Variants in FYCO1 observed in about 807,000 individuals in gnomAD.
FYCO1 encodes FYVE and coiled-coil domain autophagy adaptor 1.
FYCO1 carries 122 observed loss-of-function variants against 165.1 expected under a neutral mutation model. That is an observed-to-expected ratio of 0.74 (90% CI 0.64 to 0.86). The LOEUF is 0.86. Ranked by LOEUF, FYCO1 falls within the 40% of genes least tolerant of loss-of-function variation. The pLI, the probability that FYCO1 is intolerant of heterozygous loss-of-function variation, is 0.00. For synonymous variants in FYCO1, 648 were observed against 742.5 expected (o/e 0.87, Z 2.07); for missense variants, 1,702 against 1,810.3 (o/e 0.94, Z 1.09).
chr3:45,955,185 A>T lies in FYCO1; in HGVS notation c.3944+64T>A, dbSNP rs946156623. Reference sequence around the variant, plus strand: ...AGTGTCTCACTTTCCTCATCCTTTGATAAGAAAGCACAGGGGCCAGGCCTG... The same window carrying T: ...AGTGTCTCACTTTCCTCATCCTTTGTTAAGAAAGCACAGGGGCCAGGCCTG... On this transcript the variant is annotated intron_variant, in intron 14 of 17. Coordinates refer to ENST00000296137, the MANE Select transcript of FYCO1 (RefSeq NM_024513.4). 3.8e-6 allele frequency: 6 copies of T among 1,573,854 alleles called. No individual in the cohort carries two copies. The Admixed American group carries it at 5.0e-5, about 13-fold the overall frequency.
intron 14 of FYCO1, chr3:45,947,956 T>A (rs1704743019): frequency 6.1e-6 from 1 of 163,832 alleles, no homozygotes; most frequent in African/African-American, 2.6e-5. Context: ...AAACAAGTGC[T>A]GGCACCACCA....
chr3:45,950,370 G>A (rs1479211176), intron 14 of FYCO1, among the ~76,000 whole-genome samples: 1 of 152,190 alleles, frequency 6.6e-6, no homozygotes, highest in Admixed American at 6.5e-5. Context: ...CATCATCTGA[G>A]ATGTGGGGAA....
At position 45,919,067 on chromosome 3, in the gene FYCO1, T is replaced by TA. The variant is rs750650569; in HGVS notation, c.*2697_*2698insT. On this transcript the variant is annotated 3_prime_UTR_variant, in exon 18 of 18. Coordinates refer to ENST00000296137, the MANE Select transcript of FYCO1 (RefSeq NM_024513.4). ...AGATGAGCCATCAAGGGGCTGCCCC[T>TA]TTTAAAAAAAAAAAAAAAGAGTGAT... 2.7e-5 allele frequency: 2 copies of TA among 73,634 alleles called. No individual in the cohort carries two copies. Among genetic ancestry groups the TA allele is most frequent in the Admixed American group, 1.7e-4 (1 of 5,810 alleles). 4.6% of individuals were successfully genotyped at this position (73,634 alleles called of 1,614,324 possible). A position where few individuals can be genotyped will look rare whatever the true frequency, so the allele number is the denominator to read the frequency against.
intron 14 of FYCO1, among the ~76,000 whole-genome samples, chr3:45,944,656 A>C (rs1575343826): frequency 2.0e-5 from 3 of 152,336 alleles, no homozygotes; most frequent in Non-Finnish European, 4.4e-5. Flanking sequence ...TCCAGGCCCA[A>C]TCTGTTTACC....
chr3:45,962,396 G>A lies in FYCO1; in HGVS notation c.3270-4C>T. On this transcript the variant is annotated splice_polypyrimidine_tract_variant and splice_region_variant and intron_variant, in intron 10 of 17. Coordinates refer to ENST00000296137, the MANE Select transcript of FYCO1 (RefSeq NM_024513.4). The surrounding 1 kb of genome is among the most constrained non-coding windows in gnomAD (Gnocchi z 4.4). ...TTTTTCGAGTTCCTTCTGGGTCCTG[G>A]GGGAGGAGTGGTAAGTTTTCTTGAT... The A allele has an allele frequency of 6.2e-7, 1 of 1,613,974 alleles. No individual in the cohort carries two copies. Among genetic ancestry groups the A allele is most frequent in the Non-Finnish European group, 8.5e-7 (1 of 1,179,902 alleles).
chr3:45,943,458 T>C (rs1490337386), intron 14 of FYCO1: 2 of 152,172 alleles, frequency 1.3e-5, no homozygotes, highest in Non-Finnish European at 2.9e-5. Flanking sequence ...AGCGGAAACA[T>C]GAACCACATC....
Position 45,969,716 on chromosome 3 carries a change from G to A in FYCO1, c.589C>T (p.Arg197Cys), listed in dbSNP as rs751114373. The A allele has an allele frequency of 3.2e-5, 52 of 1,613,936 alleles. No homozygotes were observed. The highest frequency in any genetic ancestry group is 2.5e-4 in the South Asian group (23 of 91,082). ...SSAYLWKPPSRSSSMSSLVSS... is the reference protein window; with the variant it reads ...SSAYLWKPPSCSSSMSSLVSS... ...ACCAAGCTGCTCATGCTGGAGCTGC[G>A]GCTAGGGGGTTTCCACAGGTAAGCA... Residue 197 changes from arginine to cysteine, a missense_variant, in exon 7 of 18, where the codon CGC becomes TGC. Transcript: ENST00000296137.
At chr3:45,994,815 G>C (rs1338773255) in intron 1 of FYCO1, among the ~76,000 whole-genome samples, 2 of 152,128 alleles carry the variant, frequency 1.3e-5, no homozygotes, top group East Asian at 3.9e-4. Context: ...TTTCTCTGTC[G>C]GGAAAGGAAA....
intron 6 of FYCO1, 80 bp downstream of exon 6, chr3:45,973,008 T>C (rs1436918861): frequency 1.3e-6 from 2 of 1,512,628 alleles, no homozygotes; most frequent in Non-Finnish European, 1.8e-6. Context: ...GCAAAATTGT[T>C]TTGAGTAGAC....
intron 14 of FYCO1, chr3:45,946,907 C>G: frequency 1.2e-6 from 2 of 1,614,234 alleles, no homozygotes; most frequent in Non-Finnish European, 1.7e-6. Flanking sequence ...ACCAGCAAGC[C>G]AAGAGGATGA....
chr3:45,990,505 T>A (rs1055319456), intron 1 of FYCO1, among the ~76,000 whole-genome samples: 2 of 152,236 alleles, frequency 1.3e-5, no homozygotes, highest in Admixed American at 1.3e-4. Context: ...TCTCACATTA[T>A]GCTTCTGTGG....
In FYCO1 at chr3:45,964,290, C is replaced by T. The variant is rs766191152; in HGVS notation, c.3269+46G>A. ...TTCTAAATGACGAGACCAAACACTC[C>T]TTCCCTGAAGACTACCGACAGCTAC... is the stretch of plus-strand genomic sequence containing the variant. On this transcript the variant is annotated intron_variant, in intron 10 of 17. Coordinates refer to ENST00000296137, the MANE Select transcript of FYCO1 (RefSeq NM_024513.4). This position sits in a 1 kb window ranked among gnomAD's most constrained non-coding sequence, Gnocchi z 4.1. 5 of 1,418,704 alleles carry T rather than the reference C, an allele frequency of 3.5e-6. No homozygotes were observed. The South Asian group carries it at 5.7e-5, about 16-fold the overall frequency. The allele number at this position is 1,418,704 out of a possible 1,614,324, so 87.9% of individuals were successfully genotyped here.
intron 1 of FYCO1, among the ~76,000 whole-genome samples, chr3:45,992,583 A>C (rs1707611355): frequency 6.6e-6 from 1 of 152,182 alleles, no homozygotes; most frequent in African/African-American, 2.4e-5. Flanking sequence ...TAGGCACTCT[A>C]TCTGTCCTGG....
At position 45,979,720 on chromosome 3, in the gene FYCO1, G is replaced by C. The variant is rs747838494; in HGVS notation, c.273C>G (p.Val91=). 1.9e-6 allele frequency: 3 copies of C among 1,613,990 alleles called. No homozygotes were observed. The highest frequency in any genetic ancestry group is 2.5e-6 in the Non-Finnish European group (3 of 1,179,894). Residue 91 remains valine, a synonymous_variant, in exon 4 of 18, where the codon GTC becomes GTG. Coordinates refer to ENST00000296137, the MANE Select transcript of FYCO1 (RefSeq NM_024513.4). The part of the protein sequence containing the change: ...VKGANDGIRF[V]KSISELRTSL... Reference sequence around the variant, plus strand: ...CTCAGCTTACCTCTGAGATAGACTTGACAAAGCGGATCCCATCATTGGCTC... The same window carrying C: ...CTCAGCTTACCTCTGAGATAGACTTCACAAAGCGGATCCCATCATTGGCTC...
At chr3:45,924,313 C>T (rs1213320682) in intron 16 of FYCO1, among the ~76,000 whole-genome samples, 1 of 152,206 alleles carries the variant, frequency 6.6e-6, no homozygotes, top group Non-Finnish European at 1.5e-5. Flanking sequence ...CTTTCATCTT[C>T]CCGTGCCTGG....
At chr3:45,927,894 C>A (rs1343084398) in intron 16 of FYCO1, among the ~76,000 whole-genome samples, 1 of 152,238 alleles carries the variant, frequency 6.6e-6, no homozygotes, top group Non-Finnish European at 1.5e-5. Context: ...ATCAAGAGCT[C>A]CTTAAGGCAG....
chr3:45,966,722 C>T lies in FYCO1; in HGVS notation c.2612G>A (p.Arg871Gln), dbSNP rs113517878. 3.5e-4 allele frequency: 572 copies of T among 1,612,478 alleles called. 3 individuals are homozygous for T. The African/African-American group carries it at 5.9e-3, about 17-fold the overall frequency. ...DEAQQREEEL[R>Q]ALQEELSQAK... is the part of the protein sequence containing the mutation. ...CTGGGACAGCTCCTCCTGCAGGGCC[C>T]GCAGCTCCTCCTCCCTCTGCTGGGC... is the stretch of plus-strand genomic sequence containing the variant. The change falls in exon 8 of 18, where the codon CGG (arginine) becomes CAG (glutamine). Residue 871 changes from arginine (R) to glutamine (Q), a missense_variant. Physicochemically the swap from Arg to Gln is conservative, Grantham distance 43 (BLOSUM62 1). Coordinates refer to ENST00000296137, the MANE Select transcript of FYCO1 (RefSeq NM_024513.4).
At chr3:45,949,043 TCCG>T in intron 14 of FYCO1, among the ~76,000 whole-genome samples, 1 of 152,322 alleles carries the variant, frequency 6.6e-6, no homozygotes, top group South Asian at 2.1e-4. Context: ...CCATGTCAGC[TCCG>T]TGGGTTAGCG....
intron 16 of FYCO1, among the ~76,000 whole-genome samples, chr3:45,924,188 A>G (rs1272745842): frequency 1.3e-5 from 2 of 152,100 alleles, no homozygotes; most frequent in East Asian, 3.9e-4. Context: ...CCTTCCAGAT[A>G]ACAATCTTCC....
Sources: allele counts gnomAD v4.1 joint callset (sites outside exome capture counted in the v4.1 genomes callset), GRCh38; gene constraint gnomAD v4.1.1; non-coding constraint Gnocchi (gnomAD v3.1); transcripts MANE v1.5; gene names NCBI Gene and HGNC (gene_info 2026-07-23, HGNC 2026-07-21).